Variants in OAS3 observed in about 807,000 individuals in gnomAD.
The protein encoded by OAS3 is 2'-5'-oligoadenylate synthase 3.
OAS3 carries 107 observed loss-of-function variants against 113.0 expected under a neutral mutation model. The ratio of observed to expected loss-of-function variants is 0.95; its 90% CI spans 0.81 to 1.11. The LOEUF is 1.11. OAS3 is among the 50% of genes most tolerant of loss of function. The pLI is 0.00. For missense variants in OAS3, 1,258 were observed against 1,389.1 expected, an observed-to-expected ratio of 0.91 and a Z score of 1.50; for synonymous variants, 552 against 573.6, an observed-to-expected ratio of 0.96 and a Z score of 0.54.
intron 7 of OAS3, 61 bp downstream of exon 7, chr12:112,951,036 G>A (rs979792344): frequency 2.6e-6 from 4 of 1,517,006 alleles, no homozygotes; most frequent in Admixed American, 3.9e-5. Context: ...CATCTAACAG[G>A]GGCACCTGCC....
rs191378100 is a variant in OAS3 at position 112,962,657 on chromosome 12, G to A, written c.1839G>A (p.Ala613=). The A allele has an allele frequency of 2.4e-5, 38 of 1,613,042 alleles. No individual in the cohort carries two copies. The highest frequency in any genetic ancestry group is 3.3e-5 in the Admixed American group (2 of 59,994). The change falls in exon 9 of 16, where the codon GCG becomes GCA. Residue 613 remains alanine, a synonymous_variant. Coordinates refer to ENST00000228928, the MANE Select transcript of OAS3 (RefSeq NM_006187.4). Reference sequence around the variant, plus strand: ...GTTGGCCTTGTGTGACACAGGTTGCGGCTCAGAACAAAGGAAAAGGACCAG... The same window carrying A: ...GTTGGCCTTGTGTGACACAGGTTGCAGCTCAGAACAAAGGAAAAGGACCAG... The part of the protein sequence containing the change: ...LLVKHWYRQV[A]AQNKGKGPAP...
chr12:112,962,575 C>T, intron 8 of OAS3, 77 bp from the exon 9 acceptor site: 3 of 1,513,186 alleles, frequency 2.0e-6, no homozygotes, highest in Non-Finnish European at 2.7e-6. Flanking sequence ...ATATTCCCTT[C>T]CTGCCCCAAG....
intron 7 of OAS3, among the ~76,000 whole-genome samples, chr12:112,959,119 T>C (rs555916245): frequency 1.3e-5 from 2 of 152,318 alleles, no homozygotes; most frequent in East Asian, 3.9e-4. Context: ...TGAATGAGGC[T>C]CCGTGGGCGT....
chr12:112,967,663 G>C, intron 13 of OAS3, 70 bp downstream of exon 13: 2 of 1,523,942 alleles, frequency 1.3e-6, no homozygotes, highest in Non-Finnish European at 1.8e-6. Flanking sequence ...TTCCTGGGAG[G>C]AAGCAGGGCC....
chr12:112,939,800 T>C (rs770872314), intron 1 of OAS3, among the ~76,000 whole-genome samples: 5 of 152,098 alleles, frequency 3.3e-5, no homozygotes, highest in Non-Finnish European at 5.9e-5. Context: ...CAGGAGTGGA[T>C]TGATGGAGGG....
Position 112,944,610 on chromosome 12 carries a change from T to G in OAS3, c.595T>G (p.Leu199Val). The change falls in exon 3 of 16, where the codon TTG becomes GTG. Residue 199 changes from leucine to valine, a missense_variant. By Grantham distance (32) the Leu-to-Val change is conservative. Coordinates refer to ENST00000228928, the MANE Select transcript of OAS3 (RefSeq NM_006187.4). ...CTTTGTGAACATTCGCCCAGCCAAG[T>G]TGAAGAACCTAATCTTGCTGGTGAA... ...RNFVNIRPAKLKNLILLVKHW... is the reference protein window; with the variant it reads ...RNFVNIRPAKVKNLILLVKHW... The G allele has an allele frequency of 6.2e-7, 1 of 1,614,084 alleles. No homozygotes were observed. Among genetic ancestry groups the G allele is most frequent in the Admixed American group, 1.7e-5 (1 of 60,034 alleles).
At position 112,949,077 on chromosome 12, in the gene OAS3, C is replaced by A. The variant is rs888088380; in HGVS notation, c.1246C>A (p.Leu416Met). The A allele has an allele frequency of 1.2e-6, 2 of 1,613,922 alleles. No individual in the cohort carries two copies. Among genetic ancestry groups the A allele is most frequent in the Non-Finnish European group, 1.7e-6 (2 of 1,179,898 alleles). The change falls in exon 6 of 16, where the codon CTG becomes ATG. Residue 416 changes from leucine to methionine, a missense_variant. Physicochemically the swap from Leu to Met is conservative, Grantham distance 15. Coordinates refer to ENST00000228928, the MANE Select transcript of OAS3 (RefSeq NM_006187.4). ...CCTGTCTCAGATCCCCACCAAGGAG[C>A]TGGACCGCTTCATCCAGGACCACCT... ...LDLSQIPTKELDRFIQDHLKP... is the reference protein window; with the variant it reads ...LDLSQIPTKEMDRFIQDHLKP...
intron 4 of OAS3, among the ~76,000 whole-genome samples, 159 bp downstream of exon 4, chr12:112,947,140 C>T (rs2043741144): frequency 6.6e-6 from 1 of 152,214 alleles, no homozygotes; most frequent in Admixed American, 6.5e-5. Context: ...AGCCCAGATG[C>T]ACATTAGAAT....
At position 112,970,271 on chromosome 12, in the gene OAS3, G is replaced by A. The variant is rs576228353; in HGVS notation, c.*298G>A. ...ATGACTCTATCCTCATACCACCACT[G>A]CTGCTTCCCACCCAGCTGAGAATGC... On this transcript the variant is annotated 3_prime_UTR_variant, in exon 16 of 16. Coordinates refer to ENST00000228928, the MANE Select transcript of OAS3 (RefSeq NM_006187.4). 7 of 481,104 alleles carry A rather than the reference G, an allele frequency of 1.5e-5. No individual in the cohort carries two copies. In the South Asian group the frequency reaches 1.8e-4, roughly 12 times the overall value. The allele number at this position is 481,104 out of a possible 1,614,324, so 29.8% of individuals were successfully genotyped here. A position where few individuals can be genotyped will look rare whatever the true frequency, so the allele number is the denominator to read the frequency against.
chr12:112,946,457 T>C (rs2043730005), intron 3 of OAS3, among the ~76,000 whole-genome samples: 1 of 152,144 alleles, frequency 6.6e-6, no homozygotes, highest in South Asian at 2.1e-4. Flanking sequence ...TGAGGATAGA[T>C]AGCAATTTCA....
intron 6 of OAS3, among the ~76,000 whole-genome samples, 199 bp downstream of exon 6, chr12:112,949,404 A>G (rs2043768476): frequency 6.6e-6 from 1 of 152,016 alleles, no homozygotes; most frequent in South Asian, 2.1e-4. Context: ...TTAAAACACT[A>G]TTACAAGAAT....
chr12:112,967,387 G>T (rs751441387), intron 12 of OAS3, 31 bp from the exon 13 acceptor site: 4 of 1,590,878 alleles, frequency 2.5e-6, no homozygotes, highest in African/African-American at 1.3e-5. Flanking sequence ...CATGGGAGCC[G>T]GAGTGATGGT....
intron 12 of OAS3, among the ~76,000 whole-genome samples, chr12:112,967,086 T>C (rs993623072): frequency 6.6e-6 from 1 of 152,238 alleles, no homozygotes; most frequent in African/African-American, 2.4e-5. Context: ...GATGTAAGAC[T>C]GAGGCCTGCC....
At chr12:112,967,082 A>G (rs1054453934) in intron 12 of OAS3, among the ~76,000 whole-genome samples, 33 of 152,248 alleles carry the variant, frequency 2.2e-4, no homozygotes, top group African/African-American at 7.5e-4. Context: ...GGAGGATGTA[A>G]GACTGAGGCC....
Position 112,961,135 on chromosome 12 carries a change from C to T in OAS3, c.1722C>T (p.Cys574=), listed in dbSNP as rs2043879960. 1.2e-6 allele frequency: 2 copies of T among 1,613,262 alleles called. No individual in the cohort carries two copies. The highest frequency in any genetic ancestry group is 1.7e-6 in the Non-Finnish European group (2 of 1,179,852). Residue 574 remains cysteine, a synonymous_variant, in exon 8 of 16, where the codon TGC becomes TGT. Transcript: ENST00000228928. The part of the protein sequence containing the change: ...QVYSRLLTSG[C]QEGEHKACFA... ...ACTCGAGGCTCCTCACCAGTGGCTG[C>T]CAGGAGGGCGAGCATAAGGCCTGCT...
In OAS3 at chr12:112,968,022, G is replaced by A; in HGVS notation, c.2952G>A (p.Gly984=). ...LLTVYAWEQG[G]KDSQFNMAEG... is the part of the protein sequence containing the mutation. The stretch of plus-strand genomic sequence containing the variant: ...CTGTGTATGCCTGGGAGCAGGGCGG[G>A]AAGGACTCCCAGTTCAACATGGCTG... Residue 984 remains glycine, a synonymous_variant, in exon 14 of 16, where the codon GGG becomes GGA. Coordinates refer to ENST00000228928, the MANE Select transcript of OAS3 (RefSeq NM_006187.4). The A allele has an allele frequency of 6.2e-7, 1 of 1,614,030 alleles. No homozygotes were observed. The highest frequency in any genetic ancestry group is 8.5e-7 in the Non-Finnish European group (1 of 1,179,896).
At chr12:112,953,278 G>A (rs2043807549) in intron 7 of OAS3, among the ~76,000 whole-genome samples, 1 of 152,078 alleles carries the variant, frequency 6.6e-6, no homozygotes, top group South Asian at 2.1e-4. Flanking sequence ...CAGAATGATG[G>A]TTTCCAACTT....
In OAS3 at chr12:112,964,309, G is replaced by A; in HGVS notation, c.2304G>A (p.Gln768=). 1 of 1,609,952 alleles carries A rather than the reference G, an allele frequency of 6.2e-7. No individual in the cohort carries two copies. Among genetic ancestry groups the A allele is most frequent in the Middle Eastern group, 1.7e-4 (1 of 6,060 alleles). Residue 768 remains glutamine, a synonymous_variant, in exon 11 of 16, where the codon CAG becomes CAA. Transcript: ENST00000228928. ...GTGAATTTCTCCAGCCCAACCGCCA[G>A]TTCCTGGCCCAGGTGAACAAGGCCG... The part of the protein sequence containing the change: ...FISEFLQPNR[Q]FLAQVNKAVD...
chr12:112,950,518 G>T, intron 6 of OAS3, 175 bp from the exon 7 acceptor site: 7 of 710,032 alleles, frequency 9.9e-6, no homozygotes, highest in Middle Eastern at 3.9e-4. Flanking sequence ...TTGACTCTCT[G>T]TCACAATTCT....
Sources: allele counts gnomAD v4.1 joint callset (sites outside exome capture counted in the v4.1 genomes callset), GRCh38; gene constraint gnomAD v4.1.1; transcripts MANE v1.5; gene names NCBI Gene and HGNC (gene_info 2026-07-23, HGNC 2026-07-21).